Variants in ETNPPL observed in about 807,000 individuals in gnomAD.
The protein encoded by ETNPPL is ethanolamine-phosphate phospho-lyase.
Under a neutral mutation model 55.5 loss-of-function variants are expected in ETNPPL, and 30 were observed. The observed-to-expected ratio is 0.54, with a 90% CI of 0.40 to 0.73. The LOEUF is 0.73. Ranked by LOEUF, ETNPPL falls within the 30% of genes least tolerant of loss-of-function variation. The pLI, the probability that ETNPPL is intolerant of heterozygous loss-of-function variation, is 0.00. For synonymous variants in ETNPPL, 202 were observed against 207.2 expected, an observed-to-expected ratio of 0.98 and a Z score of 0.21; for missense variants, 528 against 607.9, an observed-to-expected ratio of 0.87 and a Z score of 1.38.
At position 108,748,070 on chromosome 4, in the gene ETNPPL, T is replaced by A; in HGVS notation, c.1017A>T (p.Val339=). Residue 339 remains valine, a synonymous_variant, in exon 9 of 13, where the codon GTA becomes GTT. Coordinates refer to ENST00000296486, the MANE Select transcript of ETNPPL (RefSeq NM_031279.4). ...TCAGTAACTCAGTGAGATAATTCCC[T>A]ACTCTCTTGGCATTTCCTTGAAGGT... is the stretch of plus-strand genomic sequence containing the variant. The part of the protein sequence containing the change: ...NEDLQGNAKR[V]GNYLTELLKK... The A allele has an allele frequency of 6.2e-7, 1 of 1,612,142 alleles. No homozygotes were observed. Among genetic ancestry groups the A allele is most frequent in the Non-Finnish European group, 8.5e-7 (1 of 1,178,936 alleles).
At chr4:108,754,985 T>G (rs1414033945) in intron 4 of ETNPPL, among the ~76,000 whole-genome samples, 1 of 152,240 alleles carries the variant, frequency 6.6e-6, no homozygotes, top group Non-Finnish European at 1.5e-5. Flanking sequence ...CTGATGTATT[T>G]GGATTATATT....
intron 9 of ETNPPL, among the ~76,000 whole-genome samples, chr4:108,747,150 T>TA (rs1448481317): frequency 1.7e-4 from 3 of 17,834 alleles, no homozygotes; most frequent in Admixed American, 7.4e-4. Flanking sequence ...ATATATATAA[T>TA]ATATATATAT....
At chr4:108,759,188 G>A (rs549555880) in intron 3 of ETNPPL, among the ~76,000 whole-genome samples, 6 of 151,832 alleles carry the variant, frequency 4.0e-5, no homozygotes, top group Non-Finnish European at 8.8e-5. Context: ...TTGTTGCCAG[G>A]CGCAGTGGCT....
At chr4:108,762,702 C>G (rs542723877) in intron 1 of ETNPPL, 141 bp downstream of exon 1, 2 of 1,073,614 alleles carry the variant, frequency 1.9e-6, no homozygotes, top group East Asian at 2.4e-5. Flanking sequence ...GGTGGAGGCG[C>G]GCGGGGCGCG....
At chr4:108,762,308 G>C (rs993434204) in intron 1 of ETNPPL, 2 of 455,286 alleles carry the variant, frequency 4.4e-6, no homozygotes, top group Admixed American at 2.4e-5. Flanking sequence ...TTTTCTAACA[G>C]AAGGTGGTTT....
At chr4:108,753,749 T>TAAGAAAGA (rs758544848) in intron 5 of ETNPPL, among the ~76,000 whole-genome samples, 9,754 of 76,196 alleles carry the variant, frequency 0.13, 910 homozygotes, top group Non-Finnish European at 0.14. Context: ...CTCAAATAAA[T>TAAGAAAGA]AAGAAAGAAA....
intron 3 of ETNPPL, among the ~76,000 whole-genome samples, chr4:108,759,400 CAAAAA>C (rs59227589): frequency 5.7e-5 from 4 of 70,278 alleles, no homozygotes; most frequent in Admixed American, 1.8e-4. Flanking sequence ...GGCTCCATCT[CAAAAA>C]AAAAAAAAAA....
At position 108,744,714 on chromosome 4, in the gene ETNPPL, AAT is replaced by A. The variant is rs201216026; in HGVS notation, c.1304-860_1304-859del. 1.6e-4 allele frequency among the ~76,000 whole-genome samples: 21 copies of A among 132,716 alleles called. 1 individual carries two copies. The highest frequency in any genetic ancestry group is 4.0e-4 in the African/African-American group (12 of 29,662). The allele number at this position is 132,716 out of a possible 152,430, so 87.1% of individuals were successfully genotyped here. ...GCTGAGAAGCAAGTAGAGAAGTTGA[AAT>A]TTTTTTTTTTTTTTTTTTTTTGGAG... On this transcript the variant is annotated intron_variant, in intron 11 of 12. Transcript: ENST00000296486.
chr4:108,754,421 T>G (rs968328447), intron 5 of ETNPPL, among the ~76,000 whole-genome samples, 199 bp downstream of exon 5: 3 of 152,224 alleles, frequency 2.0e-5, no homozygotes, highest in Admixed American at 2.0e-4. Flanking sequence ...ATTGTAATAC[T>G]CATCAATGTA....
In ETNPPL at chr4:108,752,999, C is replaced by A; in HGVS notation, c.514G>T (p.Asp172Tyr). The A allele has an allele frequency of 6.2e-7, 1 of 1,602,948 alleles. No homozygotes were observed. The highest frequency in any genetic ancestry group is 8.5e-7 in the Non-Finnish European group (1 of 1,172,960). The part of the protein sequence containing the change: ...KEFVHVAPTP[D>Y]TYRGKYREDH... ...TCTCTATATTTTCCTCTGTAAGTAT[C>A]TGGAGTTGGTGCCTGAAAACATCAA... The change falls in exon 6 of 13, where the codon GAT (aspartate) becomes TAT (tyrosine). Residue 172 changes from aspartate (D) to tyrosine (Y), a missense_variant. Physicochemically the swap from Asp to Tyr is radical, Grantham distance 160. Coordinates refer to ENST00000296486, the MANE Select transcript of ETNPPL (RefSeq NM_031279.4).
chr4:108,762,752 T>C (rs141397819), intron 1 of ETNPPL, 91 bp downstream of exon 1: 133 of 1,451,304 alleles, frequency 9.2e-5, no homozygotes, highest in Admixed American at 2.0e-4. Context: ...CTGCAGCGCA[T>C]CGTTTGTTCC....
At chr4:108,750,870 G>A in intron 7 of ETNPPL, 66 bp downstream of exon 7, 2 of 1,132,016 alleles carry the variant, frequency 1.8e-6, no homozygotes, top group Non-Finnish European at 2.7e-6. Flanking sequence ...TTAGCAACTA[G>A]TATGGCCCTA....
chr4:108,750,330 A>C (rs1728834512), intron 7 of ETNPPL, among the ~76,000 whole-genome samples: 1 of 151,954 alleles, frequency 6.6e-6, no homozygotes, highest in Non-Finnish European at 1.5e-5. Flanking sequence ...AGACTGGCCT[A>C]GCCTCCCAGC....
chr4:108,746,617 T>C, intron 10 of ETNPPL, 88 bp from the exon 11 acceptor site: 1 of 1,506,096 alleles, frequency 6.6e-7, no homozygotes, highest in Non-Finnish European at 9.1e-7. Context: ...AGTTTAAGTA[T>C]TCTGCATTTA....
At chr4:108,754,535 T>C in intron 5 of ETNPPL, 85 bp downstream of exon 5, 1 of 769,794 alleles carries the variant, frequency 1.3e-6, no homozygotes, top group Non-Finnish European at 2.2e-6. Flanking sequence ...TCTTTCATGG[T>C]TCATCTAGAT....
At chr4:108,752,230 T>A (rs888065804) in intron 6 of ETNPPL, among the ~76,000 whole-genome samples, 13 of 150,278 alleles carry the variant, frequency 8.7e-5, no homozygotes, top group Admixed American at 1.3e-4. Flanking sequence ...GGTTTTTTTT[T>A]AAAATAGCCA....
At chr4:108,757,482 G>A (rs1729266990) in intron 3 of ETNPPL, among the ~76,000 whole-genome samples, 1 of 152,072 alleles carries the variant, frequency 6.6e-6, no homozygotes, top group South Asian at 2.1e-4. Flanking sequence ...AGAGTATTTT[G>A]TTGGCCAGAC....
intron 1 of ETNPPL, chr4:108,762,434 A>C: frequency 1.8e-6 from 1 of 565,816 alleles, no homozygotes; most frequent in Non-Finnish European, 3.4e-6. Context: ...CCATCATGAA[A>C]AAATATTTCT....
At chr4:108,760,733 G>A (rs1197721324) in intron 1 of ETNPPL, among the ~76,000 whole-genome samples, 1 of 152,136 alleles carries the variant, frequency 6.6e-6, no homozygotes, top group African/African-American at 2.4e-5. Flanking sequence ...TCCTATGAAA[G>A]AGAGGTTATT....
Sources: gnomAD v4.1 joint callset for allele counts (sites outside exome capture counted in the v4.1 genomes callset) on GRCh38, gnomAD v4.1.1 for gene constraint, MANE v1.5 for transcripts, NCBI Gene and HGNC (gene_info 2026-07-23, HGNC 2026-07-21) for gene names.